The following SDS variants were observed in gnomAD, a reference collection of about 807,000 sequenced individuals.
SDS encodes the protein L-serine dehydratase/L-threonine deaminase.
SDS carries 19 observed loss-of-function variants against 29.3 expected under a neutral mutation model. The observed-to-expected ratio is 0.65, with a 90% CI of 0.45 to 0.95. SDS has a LOEUF of 0.95. Ranked by LOEUF, SDS falls within the 40% of genes least tolerant of loss-of-function variation. The pLI, the probability that SDS is intolerant of heterozygous loss-of-function variation, is 0.00. For missense variants in SDS, 375 were observed against 439.9 expected (o/e 0.85, Z 1.32); for synonymous variants, 176 against 189.0 (o/e 0.93, Z 0.56).
At chr12:113,399,085 G>C (rs777691309) in intron 3 of SDS, 27 bp downstream of exon 3, 1 of 1,613,332 alleles carries the variant, frequency 6.2e-7, no homozygotes, top group Non-Finnish European at 8.5e-7. Context: ...CACAGCAGAG[G>C]ACAGGATGGG....
At chr12:113,394,914 C>T (rs1957635746) in intron 6 of SDS, among the ~76,000 whole-genome samples, 1 of 152,204 alleles carries the variant, frequency 6.6e-6, no homozygotes, top group African/African-American at 2.4e-5. Flanking sequence ...CTGAGTCCCA[C>T]GGCCCTATGT....
chr12:113,394,044 A>T (rs374014118), intron 6 of SDS, 28 bp from the exon 7 acceptor site: 5 of 1,610,630 alleles, frequency 3.1e-6, no homozygotes, highest in African/African-American at 1.3e-5. Context: ...CCAGAAGAGG[A>T]TGGGAGTGGG....
chr12:113,393,868 G>T, intron 7 of SDS, 24 bp downstream of exon 7: 1 of 1,614,134 alleles, frequency 6.2e-7, no homozygotes. Context: ...AGCAGGTCAG[G>T]TCATGGGAGG....
chr12:113,392,925 G>T lies in SDS; in HGVS notation c.*16C>A. On this transcript the variant is annotated 3_prime_UTR_variant, in exon 8 of 8. Coordinates refer to ENST00000257549, the MANE Select transcript of SDS (RefSeq NM_006843.3). ...CTCTTGGGCTAGGAGAGCACAGATC[G>T]GTAAGGGGTCCGTCCTCACTTGGGC... is the stretch of plus-strand genomic sequence containing the variant. 6.2e-7 allele frequency: 1 copy of T among 1,611,402 alleles called. No individual in the cohort carries two copies. Among genetic ancestry groups the T allele is most frequent in the South Asian group, 1.1e-5 (1 of 90,924 alleles).
At chr12:113,396,769 G>A (rs372919440) in intron 6 of SDS, 264 of 232,314 alleles carry the variant, frequency 1.1e-3, no homozygotes, top group Middle Eastern at 5.2e-3. Flanking sequence ...GGGACTATGC[G>A]TGTGTGCTAC....
intron 6 of SDS, among the ~76,000 whole-genome samples, chr12:113,394,748 T>A (rs1291627033): frequency 6.6e-6 from 1 of 152,102 alleles, no homozygotes; most frequent in African/African-American, 2.4e-5. Flanking sequence ...ACCCTTGTTG[T>A]TCCCTGCTAG....
chr12:113,398,949 T>G (rs1957667040), intron 3 of SDS, 103 bp from the exon 4 acceptor site: 1 of 1,523,734 alleles, frequency 6.6e-7, no homozygotes, highest in African/African-American at 1.4e-5. Flanking sequence ...CCCCCTCACC[T>G]CCCCACCCTG....
chr12:113,393,139 C>G lies in SDS; in HGVS notation c.789G>C (p.Lys263Asn), dbSNP rs763204416. Residue 263 changes from lysine to asparagine, a missense_variant, in exon 8 of 8, where the codon AAG (lysine) becomes AAC (asparagine). By Grantham distance (94) the Lys-to-Asn change is moderately conservative (BLOSUM62 0). Transcript: ENST00000257549. ...CCCCGCAGGCGGGCTCCACCAGGATCTTCTCATCATCTGCCAGAGAAGGGG... is the reference window on the plus strand; with the variant it reads ...CCCCGCAGGCGGGCTCCACCAGGATGTTCTCATCATCTGCCAGAGAAGGGG... ...AAIEKFVDDEKILVEPACGAA... is the reference protein window; with the variant it reads ...AAIEKFVDDENILVEPACGAA... 6.2e-7 allele frequency: 1 copy of G among 1,613,716 alleles called. No individual in the cohort carries two copies. The highest frequency in any genetic ancestry group is 1.3e-5 in the African/African-American group (1 of 74,952).
In SDS at chr12:113,399,124, C is replaced by T. The variant is rs138002966; in HGVS notation, c.181G>A (p.Val61Ile). ...GCAGATCACTTACCCGAGGAGCAGACAAAATGTGCACAGCCTTGCTTGGCC... is the reference window on the plus strand; with the variant it reads ...GCAGATCACTTACCCGAGGAGCAGATAAAATGTGCACAGCCTTGCTTGGCC... ...RWAKQGCAHF[V>I]CSSAGNAGMA... The change falls in exon 3 of 8, where the codon GTC becomes ATC. Residue 61 changes from valine to isoleucine, a missense_variant. By Grantham distance (29) the Val-to-Ile change is conservative. Coordinates refer to ENST00000257549, the MANE Select transcript of SDS (RefSeq NM_006843.3). The T allele has an allele frequency of 9.4e-5, 152 of 1,613,870 alleles. 1 individual carries two copies. The highest frequency in any genetic ancestry group is 2.7e-4 in the Admixed American group (16 of 59,998).
At chr12:113,400,548 A>G (rs1957678903) in intron 1 of SDS, among the ~76,000 whole-genome samples, 1 of 151,876 alleles carries the variant, frequency 6.6e-6, no homozygotes, top group Non-Finnish European at 1.5e-5. Context: ...ATCCATCCAC[A>G]CACACATACT....
Position 113,392,465 on chromosome 12 carries a change from T to C in SDS, c.*476A>G, listed in dbSNP as rs908045820. Reference sequence around the variant, plus strand: ...GGATCTTTGTTTCATAAATATATTTTATTTTTCAATGAAAAAGTTTGCACA... The same window carrying C: ...GGATCTTTGTTTCATAAATATATTTCATTTTTCAATGAAAAAGTTTGCACA... On this transcript the variant is annotated 3_prime_UTR_variant, in exon 8 of 8. Coordinates refer to ENST00000257549, the MANE Select transcript of SDS (RefSeq NM_006843.3). 5 of 157,660 alleles carry C rather than the reference T, an allele frequency of 3.2e-5. No homozygotes were observed. Among genetic ancestry groups the C allele is most frequent in the African/African-American group, 9.6e-5 (4 of 41,534 alleles). 9.8% of individuals were successfully genotyped at this position (157,660 alleles called of 1,614,324 possible). A position where few individuals can be genotyped will look rare whatever the true frequency, so the allele number is the denominator to read the frequency against.
chr12:113,393,180 G>A, intron 7 of SDS, 31 bp from the exon 8 acceptor site: 1 of 1,605,488 alleles, frequency 6.2e-7, no homozygotes, highest in South Asian at 1.1e-5. Flanking sequence ...CAGGGGCGTG[G>A]CCTGAGTTTC....
intron 6 of SDS, among the ~76,000 whole-genome samples, chr12:113,396,435 C>T (rs1235485852): frequency 6.8e-6 from 1 of 147,290 alleles, no homozygotes; most frequent in African/African-American, 2.6e-5. Context: ...CTTTCTTTCT[C>T]TTTCTTTTTC....
chr12:113,393,046 CGG>C lies in SDS; in HGVS notation c.880_881del (p.Pro294AlafsTer31). ...KLQLEGNLRT[P>X]LPSLVVIVCG... ...AGACGATGACCACGAGGGATGGCAG[CGG>C]GGTTCGGAGATTCCCCTCCAGTTGG... is the stretch of plus-strand genomic sequence containing the variant. On this transcript the variant is annotated frameshift_variant, in exon 8 of 8. Transcript: ENST00000257549. LOFTEE classifies it high-confidence loss of function. 1 of 1,614,208 alleles carries C rather than the reference CGG, an allele frequency of 6.2e-7. No homozygotes were observed. The highest frequency in any genetic ancestry group is 8.5e-7 in the Non-Finnish European group (1 of 1,180,032).
rs755983426 is a variant in SDS, at chr12:113,397,278, CA to C, written c.539del (p.Leu180ArgfsTer46). ...GGLLCGVVQG[L>X]QEVGWGDVPV... Reference sequence around the variant, plus strand: ...GCACGTCCCCCCAGCCCACCTCCTGCAGCCCCTGGACCACTCCACACAGCAG... The same window carrying C: ...GCACGTCCCCCCAGCCCACCTCCTGCGCCCCTGGACCACTCCACACAGCAG... On this transcript the variant is annotated frameshift_variant, in exon 6 of 8. Transcript: ENST00000257549. LOFTEE classifies it high-confidence loss of function. The C allele has an allele frequency of 3.7e-6, 6 of 1,614,216 alleles. No homozygotes were observed. The highest frequency in any genetic ancestry group is 1.7e-5 in the Admixed American group (1 of 60,028).
chr12:113,398,704 C>T lies in SDS; in HGVS notation c.333+3G>A, dbSNP rs1188819871. ...CTCTTCCTTGCCCTGGGTCGGCACT[C>T]ACCTCACCCACCACCTTGACTGTGG... On this transcript the variant is annotated splice_donor_region_variant and intron_variant, in intron 4 of 7. Transcript: ENST00000257549. The T allele has an allele frequency of 2.5e-6, 4 of 1,613,932 alleles. No individual in the cohort carries two copies. In the East Asian group the frequency reaches 8.9e-5, roughly 36 times the overall value.
At chr12:113,397,437 T>C (rs759484053) in intron 5 of SDS, 45 bp from the exon 6 acceptor site, 1 of 1,498,272 alleles carries the variant, frequency 6.7e-7, no homozygotes, top group East Asian at 2.3e-5. Context: ...CTAGGCTTCC[T>C]GGAGACACCA....
intron 6 of SDS, 53 bp downstream of exon 6, chr12:113,397,112 G>C (rs1295250290): frequency 1.1e-5 from 16 of 1,491,964 alleles, no homozygotes; most frequent in Admixed American, 1.7e-5. Flanking sequence ...CAGCCCTAAG[G>C]GGGACTCCCC....
chr12:113,399,235 G>T (rs2136935331), intron 2 of SDS, 84 bp from the exon 3 acceptor site: 1 of 1,393,412 alleles, frequency 7.2e-7, no homozygotes, highest in Non-Finnish European at 1.0e-6. Flanking sequence ...TACCTGCCAG[G>T]ATTCCAGTGG....
Sources: gnomAD v4.1 joint callset for allele counts (sites outside exome capture counted in the v4.1 genomes callset) on GRCh38, gnomAD v4.1.1 for gene constraint, MANE v1.5 for transcripts, NCBI Gene and HGNC (gene_info 2026-07-23, HGNC 2026-07-21) for gene names.